Variants in HMGA1 observed in about 807,000 individuals in gnomAD.
The protein encoded by HMGA1 is high mobility group protein HMG-I/HMG-Y.
Under a neutral mutation model 15.1 loss-of-function variants are expected in HMGA1, and 1 was observed. That is an observed-to-expected ratio of 0.07 (90% CI 0.02 to 0.31). The LOEUF (loss-of-function observed/expected upper bound fraction) is 0.31, where lower values mean the gene tolerates loss of function less well. Among genes scored for constraint, HMGA1 ranks in the 10% least tolerant of loss-of-function variants. The pLI is 1.00. For synonymous variants in HMGA1, 56 were observed against 54.8 expected (o/e 1.02, Z -0.10); for missense variants, 94 against 141.4 (o/e 0.66, Z 1.70).
chr6:34,242,653 C>T, intron 3 of HMGA1, 59 bp from the exon 4 acceptor site: 1 of 1,221,696 alleles, frequency 8.2e-7, no homozygotes, highest in South Asian at 1.3e-5. Context: ...AGGGCTGTGT[C>T]TTCTGAGGGG....
At chr6:34,242,866 C>A in intron 4 of HMGA1, 71 bp downstream of exon 4, 1 of 1,183,280 alleles carries the variant, frequency 8.5e-7, no homozygotes, top group Non-Finnish European at 1.2e-6. Flanking sequence ...ACCATGGCCA[C>A]GGCTGTGGGG....
chr6:34,242,050 G>T (rs552756691), intron 3 of HMGA1, among the ~76,000 whole-genome samples: 1 of 152,296 alleles, frequency 6.6e-6, no homozygotes, highest in East Asian at 1.9e-4. Context: ...GGCCCCCTAG[G>T]AAACAGTAGC....
In HMGA1 at chr6:34,245,198, G is replaced by T. The variant is rs1363925599; in HGVS notation, c.*314G>T. On this transcript the variant is annotated 3_prime_UTR_variant, in exon 6 of 6. Coordinates refer to ENST00000311487, the MANE Select transcript of HMGA1 (RefSeq NM_145899.3). Reference sequence around the variant, plus strand: ...CACTTAGCCGCACCCTGCACCTGCTGCGTCCCCACTCCCTTGGTGGTGGGG... The same window carrying T: ...CACTTAGCCGCACCCTGCACCTGCTTCGTCCCCACTCCCTTGGTGGTGGGG... 3.5e-6 allele frequency: 5 copies of T among 1,417,416 alleles called. No individual in the cohort carries two copies. The highest frequency in any genetic ancestry group is 4.7e-6 in the Non-Finnish European group (5 of 1,070,906). The allele number at this position is 1,417,416 out of a possible 1,614,324, so 87.8% of individuals were successfully genotyped here. A position where few individuals can be genotyped will look rare whatever the true frequency, so the allele number is the denominator to read the frequency against.
chr6:34,244,928 C>T lies in HMGA1; in HGVS notation c.*44C>T. 1.9e-6 allele frequency: 3 copies of T among 1,549,758 alleles called. No homozygotes were observed. Among genetic ancestry groups the T allele is most frequent in the Non-Finnish European group, 2.6e-6 (3 of 1,146,570 alleles). On this transcript the variant is annotated 3_prime_UTR_variant, in exon 6 of 6. Coordinates refer to ENST00000311487, the MANE Select transcript of HMGA1 (RefSeq NM_145899.3). ...TCCTCACTGGAGGAGCAGCTTCCTTCTGGGACTGGACAGCTTTGCTCCGCT... is the reference window on the plus strand; with the variant it reads ...TCCTCACTGGAGGAGCAGCTTCCTTTTGGGACTGGACAGCTTTGCTCCGCT...
At chr6:34,240,658 C>A in intron 2 of HMGA1, 79 bp from the exon 3 acceptor site, 1 of 1,138,894 alleles carries the variant, frequency 8.8e-7, no homozygotes, top group Non-Finnish European at 1.3e-6. Context: ...CTGCAGTGTG[C>A]CTTGAAGGTG....
At chr6:34,239,515 G>A (rs1273025769) in intron 2 of HMGA1, among the ~76,000 whole-genome samples, 1 of 152,174 alleles carries the variant, frequency 6.6e-6, no homozygotes, top group Non-Finnish European at 1.5e-5. Flanking sequence ...CCTTGAAGCA[G>A]TCAGGAGGTA....
intron 4 of HMGA1, 141 bp from the exon 5 acceptor site, chr6:34,243,327 G>C (rs1258903020): frequency 1.4e-6 from 1 of 725,424 alleles, no homozygotes; most frequent in African/African-American, 1.7e-5. Flanking sequence ...GTCATTGCCA[G>C]CTGGACTTGG....
chr6:34,243,577 A>G, intron 5 of HMGA1, 59 bp downstream of exon 5: 1 of 1,331,312 alleles, frequency 7.5e-7, no homozygotes, highest in Admixed American at 1.7e-5. Flanking sequence ...GAGGGTGTTG[A>G]GTACACAGTA....
rs1019229393 is a variant in HMGA1, at chr6:34,242,697, C to T, written c.136-15C>T. Reference sequence around the variant, plus strand: ...AGGTGATGACTGTCCCTGACTACCCCCTCTGTCTTTACAGAAGGAGCCCAG... The same window carrying T: ...AGGTGATGACTGTCCCTGACTACCCTCTCTGTCTTTACAGAAGGAGCCCAG... On this transcript the variant is annotated splice_polypyrimidine_tract_variant and intron_variant, in intron 3 of 5. Transcript: ENST00000311487. 26 of 1,554,566 alleles carry T rather than the reference C, an allele frequency of 1.7e-5. No individual in the cohort carries two copies. The South Asian group carries it at 2.6e-4, about 15-fold the overall frequency.
In HMGA1 at chr6:34,246,082, AG is replaced by A; in HGVS notation, c.*1203del. ...CTAGGATGCTGCAGCAGAGTGAGCAAGGGGGCCCAAATCGACCATAAAGGGT... is the reference window on the plus strand; with the variant it reads ...CTAGGATGCTGCAGCAGAGTGAGCAAGGGGCCCAAATCGACCATAAAGGGT... On this transcript the variant is annotated 3_prime_UTR_variant, in exon 6 of 6. Coordinates refer to ENST00000311487, the MANE Select transcript of HMGA1 (RefSeq NM_145899.3). 1 of 248,608 alleles carries A rather than the reference AG, an allele frequency of 4.0e-6. No individual in the cohort carries two copies. The highest frequency in any genetic ancestry group is 7.8e-6 in the Non-Finnish European group (1 of 127,766). 15.4% of individuals were successfully genotyped at this position (248,608 alleles called of 1,614,324 possible). A position where few individuals can be genotyped will look rare whatever the true frequency, so the allele number is the denominator to read the frequency against.
intron 5 of HMGA1, 58 bp from the exon 6 acceptor site, chr6:34,244,773 T>TGGGGGTGGAAGA (rs1415291640): frequency 4.8e-6 from 7 of 1,454,686 alleles, no homozygotes; most frequent in Non-Finnish European, 6.6e-6. Context: ...GGCCAGCCTC[T>TGGGGGTGGAAGA]GGGGGTGGAA....
At chr6:34,237,772 C>T (rs1313811628) in intron 2 of HMGA1, among the ~76,000 whole-genome samples, 2 of 151,320 alleles carry the variant, frequency 1.3e-5, no homozygotes, top group South Asian at 2.1e-4. Context: ...GGGTCGGGCG[C>T]CCCCCGCAGC....
In HMGA1 at chr6:34,243,545, G is replaced by A; in HGVS notation, c.270+27G>A. 5 of 1,532,214 alleles carry A rather than the reference G, an allele frequency of 3.3e-6. No homozygotes were observed. The African/African-American group carries it at 8.1e-5, about 25-fold the overall frequency. The allele number at this position is 1,532,214 out of a possible 1,614,324, so 94.9% of individuals were successfully genotyped here. A position where few individuals can be genotyped will look rare whatever the true frequency, so the allele number is the denominator to read the frequency against. ...TAGGTGAAGAAGCAGACTGCTGCTT[G>A]CCTCCTGGGCTCTTTTGAGTTGAGG... On this transcript the variant is annotated intron_variant, in intron 5 of 5. Coordinates refer to ENST00000311487, the MANE Select transcript of HMGA1 (RefSeq NM_145899.3).
At chr6:34,243,784 C>T (rs1044663820) in intron 5 of HMGA1, among the ~76,000 whole-genome samples, 1 of 152,126 alleles carries the variant, frequency 6.6e-6, no homozygotes, top group Non-Finnish European at 1.5e-5. Context: ...CTCTCCTGCT[C>T]CTAGAATACT....
intron 3 of HMGA1, among the ~76,000 whole-genome samples, chr6:34,241,689 T>C (rs1762323036): frequency 6.6e-6 from 1 of 152,248 alleles, no homozygotes; most frequent in African/African-American, 2.4e-5. Flanking sequence ...CAGAGGCAGC[T>C]GTCACCCAAG....
chr6:34,242,853 G>A, intron 4 of HMGA1, 58 bp downstream of exon 4: 1 of 1,296,144 alleles, frequency 7.7e-7, no homozygotes, highest in Non-Finnish European at 1.1e-6. Flanking sequence ...TCCTCTTGTT[G>A]GCACCATGGC....
intron 2 of HMGA1, among the ~76,000 whole-genome samples, chr6:34,237,748 G>A (rs1761917914): frequency 6.6e-6 from 1 of 151,474 alleles, no homozygotes; most frequent in African/African-American, 2.4e-5. Flanking sequence ...GCTGCGGCGC[G>A]GCAGGAGAGT....
At chr6:34,237,503 C>A (rs1243285425) in intron 2 of HMGA1, among the ~76,000 whole-genome samples, 186 bp downstream of exon 2, 1 of 144,130 alleles carries the variant, frequency 6.9e-6, no homozygotes, top group African/African-American at 2.5e-5. Context: ...CGGCGGGGCC[C>A]GGCGGCGCGG....
At chr6:34,240,425 T>G (rs1402347430) in intron 2 of HMGA1, among the ~76,000 whole-genome samples, 2 of 152,110 alleles carry the variant, frequency 1.3e-5, no homozygotes, top group Non-Finnish European at 2.9e-5. Context: ...GCCTCACCCA[T>G]GTAGCTAGGT....
Sources: gnomAD v4.1 joint callset for allele counts (sites outside exome capture counted in the v4.1 genomes callset) on GRCh38, gnomAD v4.1.1 for gene constraint, MANE v1.5 for transcripts, NCBI Gene and HGNC (gene_info 2026-07-23, HGNC 2026-07-21) for gene names.